DSCAM: variants seen among roughly 807,000 people sequenced by gnomAD.
DSCAM encodes DS cell adhesion molecule, also known as cell adhesion molecule DSCAM.
DSCAM carries 47 observed loss-of-function variants against 217.7 expected under a neutral mutation model. That is an observed-to-expected ratio of 0.22 (90% CI 0.17 to 0.28). The LOEUF (loss-of-function observed/expected upper bound fraction) is 0.28, where lower values mean the gene tolerates loss of function less well. Ranked by LOEUF, DSCAM falls within the 10% of genes least tolerant of loss-of-function variation. The pLI, the probability that DSCAM is intolerant of heterozygous loss-of-function variation, is 1.00. For missense variants in DSCAM, 2,080 were observed against 2,618.3 expected (o/e 0.79, Z 4.49); for synonymous variants, 1,056 against 1,015.3 (o/e 1.04, Z -0.76).
intron 16 of DSCAM, among the ~76,000 whole-genome samples, chr21:40,154,619 G>A (rs925244870): frequency 3.3e-5 from 5 of 152,066 alleles, no homozygotes; most frequent in Non-Finnish European, 5.9e-5. Flanking sequence ...CAGTATCTGT[G>A]TCCTAGGTCT....
intron 9 of DSCAM, among the ~76,000 whole-genome samples, chr21:40,300,992 T>C (rs1481568991): frequency 6.6e-6 from 1 of 151,880 alleles, no homozygotes; most frequent in Non-Finnish European, 1.5e-5. Flanking sequence ...AAGCAACTTT[T>C]ACTGATTTTC....
chr21:40,290,990 C>T (rs2073884980), intron 10 of DSCAM, among the ~76,000 whole-genome samples: 1 of 152,136 alleles, frequency 6.6e-6, no homozygotes, highest in Non-Finnish European at 1.5e-5. Context: ...TTTATCATTG[C>T]TTATATTGGA....
intron 3 of DSCAM, among the ~76,000 whole-genome samples, chr21:40,637,073 G>A: frequency 7.8e-6 from 1 of 127,504 alleles, no homozygotes; most frequent in African/African-American, 3.0e-5. Flanking sequence ...TAAAGGTTGG[G>A]TATTTTTCAA....
chr21:40,528,256 C>T (rs1268848246), intron 3 of DSCAM, among the ~76,000 whole-genome samples: 5 of 152,070 alleles, frequency 3.3e-5, no homozygotes, highest in Admixed American at 3.3e-4. Flanking sequence ...CTCTGTGTGG[C>T]TCAAATAAGG....
chr21:40,127,712 C>T (rs2090110386), intron 19 of DSCAM, among the ~76,000 whole-genome samples: 1 of 152,192 alleles, frequency 6.6e-6, no homozygotes, highest in Admixed American at 6.5e-5. Flanking sequence ...TGCCCCATCT[C>T]AGGAAATGGC....
intron 29 of DSCAM, 63 bp from the exon 30 acceptor site, chr21:40,052,170 C>A: frequency 6.4e-7 from 1 of 1,566,796 alleles, no homozygotes; most frequent in Non-Finnish European, 8.7e-7. Context: ...CACTCCCTGG[C>A]CTTTTCTCTC....
chr21:40,421,429 C>A (rs1482638776), intron 3 of DSCAM, among the ~76,000 whole-genome samples: 4 of 152,222 alleles, frequency 2.6e-5, no homozygotes, highest in African/African-American at 9.6e-5. Flanking sequence ...GTTCATTCTG[C>A]AAACTTCAGG....
Position 40,663,267 on chromosome 21 carries a change from T to G in DSCAM, c.508+29543A>C, listed in dbSNP as rs112822872. Among the ~76,000 whole-genome samples, 452 of 115,908 alleles carry G rather than the reference T, an allele frequency of 3.9e-3. 1 individual carries two copies. Among genetic ancestry groups the G allele is most frequent in the South Asian group, 0.035 (121 of 3,424 alleles). The allele number at this position is 115,908 out of a possible 152,430, so 76.0% of individuals were successfully genotyped here. A position where few individuals can be genotyped will look rare whatever the true frequency, so the allele number is the denominator to read the frequency against. ...GTGAGTGTATGTCAAAGTGTGTGTG[T>G]GGGGGGGGTGTATATGTGTGTGTGT... On this transcript the variant is annotated intron_variant, in intron 3 of 32. Transcript: ENST00000400454.
intron 1 of DSCAM, among the ~76,000 whole-genome samples, chr21:40,734,839 C>T (rs2146531915): frequency 6.6e-6 from 1 of 152,276 alleles, no homozygotes; most frequent in Non-Finnish European, 1.5e-5. Flanking sequence ...TCTACCGTCC[C>T]TCAGCTTTGT....
At chr21:40,647,621 A>C (rs547744408) in intron 3 of DSCAM, among the ~76,000 whole-genome samples, 10 of 152,246 alleles carry the variant, frequency 6.6e-5, no homozygotes, top group Non-Finnish European at 1.3e-4. Flanking sequence ...CACAGTTATA[A>C]GACAAAATCT....
At chr21:40,517,551 A>G (rs1191660724) in intron 3 of DSCAM, among the ~76,000 whole-genome samples, 2 of 152,056 alleles carry the variant, frequency 1.3e-5, no homozygotes, top group Non-Finnish European at 2.9e-5. Flanking sequence ...GTAATCTCTA[A>G]GCCCTCCTTT....
intron 30 of DSCAM, among the ~76,000 whole-genome samples, chr21:40,047,196 A>G (rs150921669): frequency 1.9e-3 from 282 of 152,160 alleles, no homozygotes; most frequent in Non-Finnish European, 2.7e-3. Context: ...TTATTTTTTA[A>G]TAATTTGGTT....
chr21:40,239,783 C>G (rs529186427), intron 11 of DSCAM, among the ~76,000 whole-genome samples: 1 of 152,264 alleles, frequency 6.6e-6, no homozygotes, highest in East Asian at 1.9e-4. Context: ...AAGTTGTATG[C>G]AAAAGACTTA....
At chr21:40,056,521 C>T (rs956501938) in intron 28 of DSCAM, among the ~76,000 whole-genome samples, 23 of 150,858 alleles carry the variant, frequency 1.5e-4, no homozygotes, top group Non-Finnish European at 2.8e-4. Context: ...ATGGTAGAAT[C>T]GGATTCAGTT....
chr21:40,291,477 T>C lies in DSCAM; in HGVS notation c.2182+4578A>G, dbSNP rs571029133. On this transcript the variant is annotated intron_variant, in intron 10 of 32. Coordinates refer to ENST00000400454, the MANE Select transcript of DSCAM (RefSeq NM_001389.5). ...AGAGCCAGGTCCTTACAATGACTGA[T>C]GGGGACCCAGTGCAGGAGTCTCCTC... Among the ~76,000 whole-genome samples the C allele has an allele frequency of 7.2e-5, 11 of 152,300 alleles. No individual in the cohort carries two copies. In the South Asian group the frequency reaches 2.3e-3, roughly 32 times the overall value.
intron 3 of DSCAM, among the ~76,000 whole-genome samples, chr21:40,461,585 T>G (rs1310614496): frequency 6.6e-6 from 1 of 151,648 alleles, no homozygotes; most frequent in South Asian, 2.1e-4. Context: ...AATGTCCCAA[T>G]CCCCCCACAA....
intron 14 of DSCAM, among the ~76,000 whole-genome samples, chr21:40,183,070 AG>A (rs1320620932): frequency 1.1e-4 from 1 of 9,326 alleles, no homozygotes; most frequent in Admixed American, 1.1e-3. Flanking sequence ...CGTGGACAGG[AG>A]GGGGCTACCA....
chr21:40,610,950 G>A (rs1332319179), intron 3 of DSCAM, among the ~76,000 whole-genome samples: 4 of 151,644 alleles, frequency 2.6e-5, no homozygotes, highest in Non-Finnish European at 5.9e-5. Flanking sequence ...GAGCAGCTTT[G>A]TCCCACAAAA....
chr21:40,751,781 T>C (rs1601211826), intron 1 of DSCAM, among the ~76,000 whole-genome samples: 1 of 152,282 alleles, frequency 6.6e-6, no homozygotes, highest in South Asian at 2.1e-4. Context: ...TCTATTCATG[T>C]TTATATTTTG....
Sources: allele counts gnomAD v4.1 joint callset (sites outside exome capture counted in the v4.1 genomes callset), GRCh38; gene constraint gnomAD v4.1.1; transcripts MANE v1.5; gene names NCBI Gene and HGNC (gene_info 2026-07-23, HGNC 2026-07-21).